The following RELN variants were observed in gnomAD, a reference collection of about 807,000 sequenced individuals.
The protein encoded by RELN is reelin.
A neutral mutation model predicts 427.6 loss-of-function variants in RELN; 108 were observed. That is an observed-to-expected ratio of 0.25 (90% CI 0.22 to 0.30). The LOEUF (loss-of-function observed/expected upper bound fraction) is 0.30. Ranked by LOEUF, RELN falls within the 10% of genes least tolerant of loss-of-function variation. The pLI, the probability that RELN is intolerant of heterozygous loss-of-function variation, is 1.00. For missense variants in RELN, 3,715 were observed against 4,302.8 expected, an observed-to-expected ratio of 0.86 and a Z score of 3.82; for synonymous variants, 1,524 against 1,513.4, an observed-to-expected ratio of 1.01 and a Z score of -0.16.
chr7:103,872,988 G>A lies in RELN; in HGVS notation c.338-39316C>T, dbSNP rs59116487. Among the ~76,000 whole-genome samples, 754 of 151,756 alleles carry A rather than the reference G, an allele frequency of 5.0e-3. 4 individuals are homozygous for A. Among genetic ancestry groups the A allele is most frequent in the African/African-American group, 0.017 (694 of 41,422 alleles). ...GCCCTTTGTCAGATGAGTAGGTTGA[G>A]AAAATTAACAAACTATCTCTCAGAC... On this transcript the variant is annotated intron_variant, in intron 2 of 64. Transcript: ENST00000428762.
At chr7:103,944,483 T>C (rs748387801) in intron 1 of RELN, among the ~76,000 whole-genome samples, 3 of 152,176 alleles carry the variant, frequency 2.0e-5, no homozygotes, top group African/African-American at 7.2e-5. Context: ...CAGGAATGGA[T>C]ACATTACATT....
intron 56 of RELN, among the ~76,000 whole-genome samples, chr7:103,496,141 C>T (rs1263734001): frequency 2.6e-5 from 4 of 152,080 alleles, no homozygotes; most frequent in Non-Finnish European, 5.9e-5. Context: ...TAATGATTAC[C>T]GTACTTTTAA....
intron 64 of RELN, among the ~76,000 whole-genome samples, chr7:103,473,988 C>G (rs913513496): frequency 6.6e-6 from 1 of 151,996 alleles, no homozygotes; most frequent in African/African-American, 2.4e-5. Flanking sequence ...ATGACATGAA[C>G]TTGAGTTAGG....
intron 57 of RELN, among the ~76,000 whole-genome samples, chr7:103,493,137 C>CAGAT (rs1224933690): frequency 1.3e-5 from 2 of 151,980 alleles, no homozygotes; most frequent in African/African-American, 4.8e-5. Flanking sequence ...ATGTCAAAGA[C>CAGAT]AGATAGGAGT....
chr7:103,692,664 G>A (rs930319777), intron 10 of RELN, among the ~76,000 whole-genome samples: 6 of 152,048 alleles, frequency 3.9e-5, no homozygotes, highest in African/African-American at 1.4e-4. Flanking sequence ...AAAGTAACTC[G>A]ATGACTCTTT....
Position 103,535,434 on chromosome 7 carries a change from C to G in RELN, c.7231G>C (p.Val2411Leu). 6.2e-7 allele frequency: 1 copy of G among 1,614,022 alleles called. No individual in the cohort carries two copies. Among genetic ancestry groups the G allele is most frequent in the South Asian group, 1.1e-5 (1 of 91,072 alleles). ...ACATTGGTAGGCAGACAGTCCCTTA[C>G]CAATGGGTGCCATGACAATCCAAGA... ...VDLGLSWHPL[V>L]RDCLPTNVEC... Residue 2411 changes from valine (V) to leucine (L), a missense_variant, in exon 46 of 65, where the codon GTA becomes CTA. Around this residue, in one of 4 missense-constraint regions of RELN, gnomAD observed 1,310 missense variants for 1,643.0 expected, o/e 0.80. Transcript: ENST00000428762.
intron 45 of RELN, among the ~76,000 whole-genome samples, chr7:103,537,542 G>T (rs1830080594): frequency 6.6e-6 from 1 of 152,198 alleles, no homozygotes; most frequent in African/African-American, 2.4e-5. Context: ...TCAGGAGGCT[G>T]CACCAGCCTG....
At chr7:103,927,889 T>C (rs1418280030) in intron 1 of RELN, among the ~76,000 whole-genome samples, 1 of 152,202 alleles carries the variant, frequency 6.6e-6, no homozygotes, top group East Asian at 1.9e-4. Flanking sequence ...GAGTGTTTAA[T>C]GAAGGGACTT....
At chr7:103,592,160 T>C (rs1044929506) in intron 27 of RELN, among the ~76,000 whole-genome samples, 2 of 152,140 alleles carry the variant, frequency 1.3e-5, no homozygotes, top group African/African-American at 2.4e-5. Flanking sequence ...TACTACCCAA[T>C]AGGTAGTTTT....
intron 57 of RELN, among the ~76,000 whole-genome samples, chr7:103,494,227 C>T (rs552611040): frequency 1.3e-5 from 2 of 151,914 alleles, no homozygotes; most frequent in Non-Finnish European, 2.9e-5. Context: ...AGAGCTGAGG[C>T]GAAAAGCAAA....
chr7:103,536,186 A>G (rs1417050137), intron 45 of RELN, among the ~76,000 whole-genome samples: 2 of 152,196 alleles, frequency 1.3e-5, no homozygotes, highest in East Asian at 3.8e-4. Flanking sequence ...TGGAAATCCA[A>G]GGGGTTTAAG....
chr7:103,898,912 T>A (rs1025195653), intron 2 of RELN, among the ~76,000 whole-genome samples: 7 of 152,080 alleles, frequency 4.6e-5, no homozygotes, highest in Non-Finnish European at 1.0e-4. Flanking sequence ...AAGTATTAGA[T>A]GTTTTAAGAT....
chr7:103,539,397 CGTTTGTTT>C (rs150252511), intron 44 of RELN, 70 bp from the exon 45 acceptor site: 1 of 1,500,998 alleles, frequency 6.7e-7, no homozygotes, highest in Non-Finnish European at 9.1e-7. Context: ...CTGCCTTTTT[CGTTTGTTT>C]GTTTGTTTGT....
intron 3 of RELN, among the ~76,000 whole-genome samples, chr7:103,813,419 C>T (rs1219798409): frequency 1.3e-5 from 2 of 152,012 alleles, no homozygotes; most frequent in Non-Finnish European, 2.9e-5. Flanking sequence ...TAGGAAAATG[C>T]TAAATAAGAG....
intron 3 of RELN, among the ~76,000 whole-genome samples, chr7:103,799,241 C>T (rs878951777): frequency 2.0e-5 from 3 of 152,094 alleles, no homozygotes; most frequent in Admixed American, 2.0e-4. Context: ...AGGAAACACA[C>T]AGGAAATCAC....
chr7:103,803,968 T>C (rs991124913), intron 3 of RELN, among the ~76,000 whole-genome samples: 5 of 152,180 alleles, frequency 3.3e-5, no homozygotes, highest in East Asian at 1.9e-4. Flanking sequence ...CCACTGAGAA[T>C]CTTTGAGTTC....
intron 46 of RELN, among the ~76,000 whole-genome samples, chr7:103,533,340 A>T (rs1829981037): frequency 6.6e-6 from 1 of 152,264 alleles, no homozygotes; most frequent in Non-Finnish European, 1.5e-5. Flanking sequence ...GTTTCCAGAT[A>T]ACAGAGACAG....
Position 103,472,707 on chromosome 7 carries a change from A to C in RELN, c.*105T>G. 1.1e-6 allele frequency: 1 copy of C among 917,546 alleles called. No individual in the cohort carries two copies. The allele number at this position is 917,546 out of a possible 1,614,324, so 56.8% of individuals were successfully genotyped here. On this transcript the variant is annotated 3_prime_UTR_variant, in exon 65 of 65. Transcript: ENST00000428762. The stretch of plus-strand genomic sequence containing the variant: ...TGAGAAGGGCTTTCAGGTAATCACC[A>C]AGTCCTTCACAGATATTTCCTGATA...
intron 22 of RELN, 119 bp from the exon 23 acceptor site, chr7:103,604,602 G>T: frequency 2.1e-6 from 2 of 972,588 alleles, no homozygotes; most frequent in Non-Finnish European, 3.2e-6. Context: ...GAGCTTAGCT[G>T]GCATCATTTT....
Sources: allele counts gnomAD v4.1 joint callset (sites outside exome capture counted in the v4.1 genomes callset), GRCh38; gene constraint gnomAD v4.1.1; regional missense constraint gnomAD v4.1.1; transcripts MANE v1.5; gene names NCBI Gene and HGNC (gene_info 2026-07-23, HGNC 2026-07-21).